LRIG1: variants seen among roughly 807,000 people sequenced by gnomAD.
LRIG1 encodes the protein leucine rich repeats and immunoglobulin like domains 1.
A neutral mutation model predicts 99.2 loss-of-function variants in LRIG1; 48 were observed. The observed-to-expected ratio is 0.48, with a 90% confidence interval of 0.38 to 0.62. The LOEUF (loss-of-function observed/expected upper bound fraction) is 0.62. Among genes scored for constraint, LRIG1 ranks in the 20% least tolerant of loss-of-function variants. The pLI is 0.00. For synonymous variants in LRIG1, 772 were observed against 596.1 expected, an observed-to-expected ratio of 1.29 and a Z score of -4.30; for missense variants, 1,646 against 1,434.4, an observed-to-expected ratio of 1.15 and a Z score of -2.38.
chr3:66,500,255 C>T lies in LRIG1; in HGVS notation c.153G>A (p.Ser51=). ...CAAACTCAGD[S]LDCGGRGLAA... is the part of the protein sequence containing the mutation. ...CCAGCCCGCGCCCACCGCAGTCCAG[C>T]GAGTCCCCAGCGCAAGTGCAGGCGG... is the stretch of plus-strand genomic sequence containing the variant. Residue 51 remains serine, a synonymous_variant, in exon 1 of 19, where the codon TCG becomes TCA. Coordinates refer to ENST00000273261, the MANE Select transcript of LRIG1 (RefSeq NM_015541.3). The T allele has an allele frequency of 6.6e-7, 1 of 1,508,544 alleles. No homozygotes were observed. The highest frequency in any genetic ancestry group is 2.7e-5 in the East Asian group (1 of 37,056). 93.4% of individuals were successfully genotyped at this position (1,508,544 alleles called of 1,614,324 possible). A position where few individuals can be genotyped will look rare whatever the true frequency, so the allele number is the denominator to read the frequency against.
At chr3:66,497,100 A>G (rs1384966650) in intron 1 of LRIG1, among the ~76,000 whole-genome samples, 1 of 152,240 alleles carries the variant, frequency 6.6e-6, no homozygotes, top group East Asian at 1.9e-4. Flanking sequence ...CTTGGTATAC[A>G]CTTTTGTGAA....
At chr3:66,424,065 A>G (rs1702901413) in intron 3 of LRIG1, among the ~76,000 whole-genome samples, 1 of 152,182 alleles carries the variant, frequency 6.6e-6, no homozygotes, top group Non-Finnish European at 1.5e-5. Context: ...GCTGACTCAG[A>G]GCTCTCACTC....
chr3:66,429,297 C>T (rs1265985233), intron 3 of LRIG1, among the ~76,000 whole-genome samples: 5 of 152,158 alleles, frequency 3.3e-5, no homozygotes, highest in Non-Finnish European at 5.9e-5. Context: ...AATCTAGGTA[C>T]GATCAACAGC....
intron 8 of LRIG1, chr3:66,405,827 C>T: frequency 2.6e-6 from 3 of 1,145,408 alleles, no homozygotes; most frequent in Non-Finnish European, 2.2e-6. Flanking sequence ...CCAGGGAGGA[C>T]ATCTGGGTGC....
rs534184911 is a variant in LRIG1, at chr3:66,407,458, G to A, written c.969C>T (p.Asp323=). The A allele has an allele frequency of 2.6e-5, 42 of 1,613,906 alleles. No homozygotes were observed. The highest frequency in any genetic ancestry group is 1.7e-4 in the African/African-American group (13 of 74,974). Residue 323 remains aspartate (D), a synonymous_variant, in exon 8 of 19, where the codon GAC becomes GAT. Transcript: ENST00000273261. Reference sequence around the variant, plus strand: ...TGCTCAGCTCGGCCAGGCTCTCCTCGTCCAGCCGTGTCAGGTTGTTGAAGG... The same window carrying A: ...TGCTCAGCTCGGCCAGGCTCTCCTCATCCAGCCGTGTCAGGTTGTTGAAGG... ...VLSFNNLTRL[D]EESLAELSSL... is the part of the protein sequence containing the mutation.
Position 66,383,264 on chromosome 3 carries a change from C to T in LRIG1, c.2209G>A (p.Glu737Lys). 6.2e-7 allele frequency: 1 copy of T among 1,614,126 alleles called. No individual in the cohort carries two copies. The highest frequency in any genetic ancestry group is 8.5e-7 in the Non-Finnish European group (1 of 1,179,922). Residue 737 changes from glutamate (E) to lysine (K), a missense_variant, in exon 15 of 19, where the codon GAG becomes AAG. Coordinates refer to ENST00000273261, the MANE Select transcript of LRIG1 (RefSeq NM_015541.3). ...FKGDRPLSLTERHHLTPDNQL... is the reference protein window; with the variant it reads ...FKGDRPLSLTKRHHLTPDNQL... ...TTGTCAGGGGTCAAGTGGTGCCGCT[C>T]AGTGAGGCTCAGCGGGCGGTCCCCC...
chr3:66,480,254 C>T (rs1201773820), intron 1 of LRIG1, among the ~76,000 whole-genome samples: 2 of 152,100 alleles, frequency 1.3e-5, no homozygotes, highest in Non-Finnish European at 2.9e-5. Context: ...TTGTCCAGAA[C>T]AGACAAATCT....
rs761750824 is a variant in LRIG1 at position 66,407,386 on chromosome 3, C to A, written c.1041G>T (p.Ala347=). Residue 347 remains alanine, a synonymous_variant, in exon 8 of 19, where the codon GCG becomes GCT. Coordinates refer to ENST00000273261, the MANE Select transcript of LRIG1 (RefSeq NM_015541.3). ...RLSHNSISHI[A]EGAFKGLRSL... ...TCCTGAGTCCCTTGAAGGCACCCTC[C>A]GCAATGTGGCTGATGGAATTGTGGC... The A allele has an allele frequency of 1.9e-6, 3 of 1,614,006 alleles. No homozygotes were observed. The highest frequency in any genetic ancestry group is 1.7e-6 in the Non-Finnish European group (2 of 1,180,054).
At chr3:66,439,781 G>A (rs1010221454) in intron 3 of LRIG1, among the ~76,000 whole-genome samples, 4 of 152,174 alleles carry the variant, frequency 2.6e-5, no homozygotes, top group African/African-American at 9.7e-5. Flanking sequence ...CAAATCCACA[G>A]TTGAATTCTG....
chr3:66,381,440 T>C, intron 17 of LRIG1, 39 bp downstream of exon 17: 1 of 1,593,850 alleles, frequency 6.3e-7, no homozygotes, highest in Non-Finnish European at 8.6e-7. Flanking sequence ...AAATTTCCAT[T>C]TCAGAAAGAA....
intron 3 of LRIG1, among the ~76,000 whole-genome samples, chr3:66,426,610 T>C (rs1014434266): frequency 2.6e-5 from 4 of 152,228 alleles, no homozygotes; most frequent in African/African-American, 9.6e-5. Flanking sequence ...TGCCAATGTC[T>C]TTTCTACCTC....
chr3:66,476,814 T>A (rs1700732677), intron 1 of LRIG1, among the ~76,000 whole-genome samples: 1 of 152,194 alleles, frequency 6.6e-6, no homozygotes, highest in Non-Finnish European at 1.5e-5. Flanking sequence ...ACTACACTGG[T>A]ATCTATACCA....
At chr3:66,405,409 G>C in intron 8 of LRIG1, 131 bp from the exon 9 acceptor site, 1 of 726,956 alleles carries the variant, frequency 1.4e-6, no homozygotes, top group Non-Finnish European at 2.4e-6. Context: ...CCGGGACGTA[G>C]GGTGAAGAGA....
intron 2 of LRIG1, among the ~76,000 whole-genome samples, chr3:66,451,974 G>C (rs945814104): frequency 2.0e-5 from 3 of 152,252 alleles, no homozygotes; most frequent in African/African-American, 7.2e-5. Context: ...TAAGACCATC[G>C]GTGAGAACAC....
At chr3:66,448,664 A>G (rs1252243836) in intron 3 of LRIG1, among the ~76,000 whole-genome samples, 1 of 152,196 alleles carries the variant, frequency 6.6e-6, no homozygotes, top group African/African-American at 2.4e-5. Context: ...TCTGTGATGC[A>G]TCTACCTATA....
At chr3:66,396,114 G>C (rs929942047) in intron 11 of LRIG1, among the ~76,000 whole-genome samples, 1 of 152,252 alleles carries the variant, frequency 6.6e-6, no homozygotes, top group African/African-American at 2.4e-5. Flanking sequence ...CGCCTTTGAG[G>C]ATTTCCTACT....
At position 66,380,290 on chromosome 3, in the gene LRIG1, C is replaced by A; in HGVS notation, c.3255G>T (p.Val1085=). The change falls in exon 19 of 19, where the codon GTG becomes GTT. Residue 1085 remains valine (V), a synonymous_variant. Transcript: ENST00000273261. ...AGCTTTTTGGTGCCAACAGCAGTGG[C>A]ACCCTCTGTTTCCCGGGGAGCTGTC... ...LTGQLPGKQR[V]PLLLAPKS is the part of the protein sequence containing the mutation. The A allele has an allele frequency of 1.9e-6, 3 of 1,613,536 alleles. No homozygotes were observed. Among genetic ancestry groups the A allele is most frequent in the Non-Finnish European group, 2.5e-6 (3 of 1,179,562 alleles).
At chr3:66,487,390 C>A (rs888060452) in intron 1 of LRIG1, among the ~76,000 whole-genome samples, 1 of 152,134 alleles carries the variant, frequency 6.6e-6, no homozygotes, top group South Asian at 2.1e-4. Context: ...ACAGGCCAAT[C>A]AGGAAAAATT....
At chr3:66,410,455 C>T (rs915025967) in intron 6 of LRIG1, among the ~76,000 whole-genome samples, 183 bp from the exon 7 acceptor site, 1 of 152,184 alleles carries the variant, frequency 6.6e-6, no homozygotes, top group Non-Finnish European at 1.5e-5. Context: ...AGAAGACAGG[C>T]AAATCAAAAT....
Sources: allele counts gnomAD v4.1 joint callset (sites outside exome capture counted in the v4.1 genomes callset), GRCh38; gene constraint gnomAD v4.1.1; transcripts MANE v1.5; gene names NCBI Gene and HGNC (gene_info 2026-07-23, HGNC 2026-07-21).